ARHGAP24: variants seen among roughly 807,000 people sequenced by gnomAD.
The protein encoded by ARHGAP24 is rho GTPase-activating protein 24.
A neutral mutation model predicts 76.4 loss-of-function variants in ARHGAP24; 50 were observed. The observed-to-expected ratio is 0.65, with a 90% confidence interval of 0.52 to 0.83. ARHGAP24 has a LOEUF of 0.83. Among genes scored for constraint, ARHGAP24 ranks in the 40% least tolerant of loss-of-function variants. ARHGAP24 has a pLI of 0.00. For missense variants in ARHGAP24, 930 were observed against 914.2 expected (o/e 1.02, Z -0.22); for synonymous variants, 345 against 323.3 (o/e 1.07, Z -0.72).
In ARHGAP24 at chr4:85,950,988, G is replaced by A. The variant is rs188459693; in HGVS notation, c.599+8715G>A. ...CACCACCACACCTGGCCTATAATAA[G>A]AAATTTAGTTCTTATTCTAAGTGAA... On this transcript the variant is annotated intron_variant, in intron 5 of 9. Coordinates refer to ENST00000395184, the MANE Select transcript of ARHGAP24 (RefSeq NM_001025616.3). Among the ~76,000 whole-genome samples the A allele has an allele frequency of 1.8e-3, 270 of 152,192 alleles. 1 individual carries two copies. Among genetic ancestry groups the A allele is most frequent in the Non-Finnish European group, 3.1e-3 (211 of 67,992 alleles).
intron 3 of ARHGAP24, among the ~76,000 whole-genome samples, chr4:85,849,518 C>T (rs1451186179): frequency 1.3e-5 from 2 of 152,186 alleles, no homozygotes; most frequent in African/African-American, 4.8e-5. Flanking sequence ...GCATCCCTGT[C>T]TTATGCCAGT....
rs1334403549 is a variant in ARHGAP24, at chr4:85,610,671, T to G, written c.180+39950T>G. ...CACACTGATTTCTGACTTGTGGTGG[T>G]TTTTGCTACCATGGTGAACAAGTGT... On this transcript the variant is annotated intron_variant, in intron 2 of 9. Coordinates refer to ENST00000395184, the MANE Select transcript of ARHGAP24 (RefSeq NM_001025616.3). 2.6e-5 allele frequency among the ~76,000 whole-genome samples: 4 copies of G among 151,682 alleles called. No homozygotes were observed. The East Asian group carries it at 7.8e-4, about 29-fold the overall frequency.
At chr4:85,864,379 G>A (rs1410154832) in intron 3 of ARHGAP24, among the ~76,000 whole-genome samples, 1 of 151,996 alleles carries the variant, frequency 6.6e-6, no homozygotes, top group African/African-American at 2.4e-5. Context: ...CTGAATGGTG[G>A]TCAGAAACTT....
intron 1 of ARHGAP24, among the ~76,000 whole-genome samples, chr4:85,504,293 A>G (rs1723943386): frequency 6.6e-6 from 1 of 152,174 alleles, no homozygotes; most frequent in African/African-American, 2.4e-5. Flanking sequence ...CGTCTCATTG[A>G]TCTGTCTAAT....
chr4:85,998,929 T>G (rs979845993), intron 9 of ARHGAP24, among the ~76,000 whole-genome samples: 1 of 152,240 alleles, frequency 6.6e-6, no homozygotes, highest in Non-Finnish European at 1.5e-5. Flanking sequence ...TTCGTGTGCT[T>G]CTACTTATTG....
Position 85,891,106 on chromosome 4 carries a change from C to T in ARHGAP24, c.269-32542C>T, listed in dbSNP as rs993985268. 2.6e-5 allele frequency among the ~76,000 whole-genome samples: 4 copies of T among 152,072 alleles called. No homozygotes were observed. In the South Asian group the frequency reaches 8.3e-4, roughly 32 times the overall value. ...CAGCATGGTGGGGATGTAAACTGGA[C>T]AGAGATTTTGGAAGTAGTGCTAATA... is the stretch of plus-strand genomic sequence containing the variant. On this transcript the variant is annotated intron_variant, in intron 3 of 9. Transcript: ENST00000395184.
At chr4:85,940,843 T>C (rs1736914085) in intron 4 of ARHGAP24, among the ~76,000 whole-genome samples, 1 of 152,158 alleles carries the variant, frequency 6.6e-6, no homozygotes, top group Admixed American at 6.5e-5. Flanking sequence ...TTTCCTGTTA[T>C]TGTTTCTACC....
At chr4:85,555,242 C>T (rs1726309969) in intron 1 of ARHGAP24, among the ~76,000 whole-genome samples, 1 of 152,152 alleles carries the variant, frequency 6.6e-6, no homozygotes, top group African/African-American at 2.4e-5. Flanking sequence ...TCTTTCTCAT[C>T]TGTGTGGGGT....
In ARHGAP24 at chr4:86,000,994, T is replaced by C. The variant is rs1319184297; in HGVS notation, c.*272T>C. 6 of 516,636 alleles carry C rather than the reference T, an allele frequency of 1.2e-5. No individual in the cohort carries two copies. Among genetic ancestry groups the C allele is most frequent in the Non-Finnish European group, 2.0e-5 (6 of 296,318 alleles). The allele number at this position is 516,636 out of a possible 1,614,324, so 32.0% of individuals were successfully genotyped here. On this transcript the variant is annotated 3_prime_UTR_variant, in exon 10 of 10. Coordinates refer to ENST00000395184, the MANE Select transcript of ARHGAP24 (RefSeq NM_001025616.3). ...AAAAATGAGAAGCATATTTCAAGAA[T>C]TATTTTATTGCAAGTCTTGTATTTA...
chr4:85,612,444 A>C (rs965864889), intron 2 of ARHGAP24, among the ~76,000 whole-genome samples: 2 of 99,790 alleles, frequency 2.0e-5, no homozygotes, highest in South Asian at 9.3e-4. Flanking sequence ...ACTCTGTTTC[A>C]AAAAAAAAAG....
intron 3 of ARHGAP24, among the ~76,000 whole-genome samples, chr4:85,909,572 G>A (rs1015748812): frequency 1.1e-4 from 16 of 152,112 alleles, no homozygotes; most frequent in Admixed American, 6.5e-4. Context: ...CAGACAAGAT[G>A]CCCCCAAACA....
rs567315419 is a variant in ARHGAP24, at chr4:85,643,460, T to C, written c.180+72739T>C. Among the ~76,000 whole-genome samples the C allele has an allele frequency of 8.7e-5, 11 of 125,838 alleles. 3 individuals carry two copies. Among genetic ancestry groups the C allele is most frequent in the Non-Finnish European group, 1.9e-4 (11 of 59,404 alleles). The allele number at this position is 125,838 out of a possible 152,430, so 82.6% of individuals were successfully genotyped here. A position where few individuals can be genotyped will look rare whatever the true frequency, so the allele number is the denominator to read the frequency against. ...TTTTTAGTAGAGACGGGGTTTCACC[T>C]TGTTAGCCAGGATGGTCTCGATCTC... On this transcript the variant is annotated intron_variant, in intron 2 of 9. Coordinates refer to ENST00000395184, the MANE Select transcript of ARHGAP24 (RefSeq NM_001025616.3).
intron 3 of ARHGAP24, among the ~76,000 whole-genome samples, chr4:85,899,816 G>A (rs554916485): frequency 3.3e-4 from 51 of 152,334 alleles, no homozygotes; most frequent in African/African-American, 1.2e-3. Flanking sequence ...GGGAAGCAGA[G>A]GCAAGGGGAT....
chr4:85,819,969 C>T (rs1729398469), intron 3 of ARHGAP24, among the ~76,000 whole-genome samples: 1 of 151,408 alleles, frequency 6.6e-6, no homozygotes, highest in African/African-American at 2.5e-5. Flanking sequence ...GCCTATGGAA[C>T]CATGAGCCAA....
intron 1 of ARHGAP24, among the ~76,000 whole-genome samples, chr4:85,501,384 C>T (rs1487275116): frequency 6.6e-6 from 1 of 152,186 alleles, no homozygotes; most frequent in Non-Finnish European, 1.5e-5. Context: ...TCTGCAGCAT[C>T]TGTTGTTTCC....
intron 3 of ARHGAP24, among the ~76,000 whole-genome samples, chr4:85,921,901 C>T (rs540339962): frequency 3.3e-5 from 5 of 152,120 alleles, no homozygotes; most frequent in South Asian, 2.1e-4. Context: ...AGTTCCATTC[C>T]GAAACCATCC....
intron 1 of ARHGAP24, among the ~76,000 whole-genome samples, chr4:85,567,488 T>C (rs896856333): frequency 2.0e-5 from 3 of 152,196 alleles, no homozygotes; most frequent in Non-Finnish European, 4.4e-5. Context: ...TGCAACTGGG[T>C]GTATCATGGT....
chr4:85,580,074 C>T (rs1727544690), intron 2 of ARHGAP24, among the ~76,000 whole-genome samples: 1 of 152,058 alleles, frequency 6.6e-6, no homozygotes, highest in African/African-American at 2.4e-5. Context: ...ACTCAAGCCT[C>T]ACACTTGGTT....
chr4:85,787,181 A>C (rs1286072362), intron 3 of ARHGAP24, among the ~76,000 whole-genome samples: 1 of 152,186 alleles, frequency 6.6e-6, no homozygotes, highest in African/African-American at 2.4e-5. Flanking sequence ...AAGTGACTGG[A>C]AAGTTAAAAG....
Sources: allele counts gnomAD v4.1 joint callset (sites outside exome capture counted in the v4.1 genomes callset), GRCh38; gene constraint gnomAD v4.1.1; transcripts MANE v1.5; gene names NCBI Gene and HGNC (gene_info 2026-07-23, HGNC 2026-07-21).